Variants in KANK3 observed in about 807,000 individuals in gnomAD.
KANK3 encodes the protein KN motif and ankyrin repeat domains 3.
Under a neutral mutation model 65.4 loss-of-function variants are expected in KANK3, and 61 were observed. The ratio of observed to expected loss-of-function variants is 0.93; its 90% CI spans 0.76 to 1.15. The LOEUF is 1.15. Ranked by LOEUF, KANK3 falls within the 50% of genes most tolerant of loss-of-function variation. The probability of loss-of-function intolerance (pLI) is 0.00; values close to 1 mark genes in which losing one functional copy is unlikely to be tolerated. For synonymous variants in KANK3, 586 were observed against 543.3 expected, an observed-to-expected ratio of 1.08 and a Z score of -1.09; for missense variants, 1,187 against 1,178.8, an observed-to-expected ratio of 1.01 and a Z score of -0.10.
At chr19:8,327,804 T>A (rs1392135029) in intron 7 of KANK3, among the ~76,000 whole-genome samples, 2 of 152,094 alleles carry the variant, frequency 1.3e-5, no homozygotes, top group Non-Finnish European at 2.9e-5. Context: ...GTTCCCTGTT[T>A]GGGTGGCATG....
chr19:8,327,092 G>A (rs971338197), intron 7 of KANK3, among the ~76,000 whole-genome samples: 1 of 152,150 alleles, frequency 6.6e-6, no homozygotes, highest in Non-Finnish European at 1.5e-5. Flanking sequence ...GTAGTTTAAG[G>A]AAATGAATGA....
intron 7 of KANK3, among the ~76,000 whole-genome samples, chr19:8,326,784 T>C (rs986311378): frequency 2.8e-5 from 4 of 142,876 alleles, no homozygotes; most frequent in Non-Finnish European, 6.0e-5. Flanking sequence ...GTGACACAGC[T>C]AGACTCCATC....
intron 2 of KANK3, 48 bp downstream of exon 2, chr19:8,337,747 C>A: frequency 6.2e-7 from 1 of 1,600,142 alleles, no homozygotes. Context: ...TCAAGCGTTT[C>A]TCTGTGCATG....
At position 8,333,750 on chromosome 19, in the gene KANK3, G is replaced by T; in HGVS notation, c.1693C>A (p.Arg565=). 2 of 1,479,162 alleles carry T rather than the reference G, an allele frequency of 1.4e-6. No individual in the cohort carries two copies. Among genetic ancestry groups the T allele is most frequent in the Non-Finnish European group, 9.0e-7 (1 of 1,111,690 alleles). 91.6% of individuals were successfully genotyped at this position (1,479,162 alleles called of 1,614,324 possible). A position where few individuals can be genotyped will look rare whatever the true frequency, so the allele number is the denominator to read the frequency against. The change falls in exon 6 of 11, where the codon CGG becomes AGG. Residue 565 remains arginine, a synonymous_variant. Transcript: ENST00000330915. This position sits in a 1 kb window ranked among gnomAD's most constrained non-coding sequence, Gnocchi z 5.0. ...ACVALQRQLS[R]PRGVASDGGA... is the part of the protein sequence containing the mutation. Reference sequence around the variant, plus strand: ...CCGTCGCTGGCTACTCCGCGGGGCCGGCTCAGCTGCCGCTGCAGCGCTACG... The same window carrying T: ...CCGTCGCTGGCTACTCCGCGGGGCCTGCTCAGCTGCCGCTGCAGCGCTACG...
Position 8,334,698 on chromosome 19 carries a change from G to T in KANK3, c.1129C>A (p.Arg377=), listed in dbSNP as rs1258498286. 2.6e-6 allele frequency: 4 copies of T among 1,532,488 alleles called. No homozygotes were observed. The Admixed American group carries it at 7.9e-5, about 30-fold the overall frequency. 94.9% of individuals were successfully genotyped at this position (1,532,488 alleles called of 1,614,324 possible). A position where few individuals can be genotyped will look rare whatever the true frequency, so the allele number is the denominator to read the frequency against. The change falls in exon 3 of 11, where the codon CGG becomes AGG. Residue 377 remains arginine (R), a synonymous_variant. Coordinates refer to ENST00000330915, the MANE Select transcript of KANK3 (RefSeq NM_198471.3). ...GVSELLRGRL[R]ELEEAREAAE... Reference sequence around the variant, plus strand: ...GCCTCGCGGGCTTCCTCCAGCTCCCGCAACCGGCCCCGCAGAAGCTCACTC... The same window carrying T: ...GCCTCGCGGGCTTCCTCCAGCTCCCTCAACCGGCCCCGCAGAAGCTCACTC...
At chr19:8,334,208 T>C (rs1970584942) in intron 4 of KANK3, 92 bp from the exon 5 acceptor site, 2 of 1,518,314 alleles carry the variant, frequency 1.3e-6, no homozygotes, top group Middle Eastern at 2.0e-4. Context: ...CATTTAACGA[T>C]GAGGAAACTG....
chr19:8,339,980 A>AAAG (rs1555684693), intron 1 of KANK3, among the ~76,000 whole-genome samples: 12 of 95,732 alleles, frequency 1.3e-4, no homozygotes, highest in African/African-American at 3.7e-4. Flanking sequence ...AAAAAAAAAA[A>AAAG]AAAAGAAAAG....
chr19:8,335,940 C>T, intron 2 of KANK3, 148 bp from the exon 3 acceptor site: 1 of 542,262 alleles, frequency 1.8e-6, no homozygotes. Context: ...TTAATGAGCA[C>T]CTACTCTGTG....
intron 2 of KANK3, among the ~76,000 whole-genome samples, chr19:8,336,831 G>A (rs1486593926): frequency 6.6e-6 from 1 of 151,776 alleles, no homozygotes. Context: ...ACAGCCCATG[G>A]AAATACCCTG....
chr19:8,339,298 G>A (rs1568205002), intron 1 of KANK3, among the ~76,000 whole-genome samples: 1 of 151,880 alleles, frequency 6.6e-6, no homozygotes, highest in Non-Finnish European at 1.5e-5. Context: ...CAAAGCAGAA[G>A]GATCGCTTGA....
intron 2 of KANK3, 114 bp downstream of exon 2, chr19:8,337,681 T>A (rs962527145): frequency 1.6e-6 from 2 of 1,272,244 alleles, no homozygotes; most frequent in African/African-American, 2.9e-5. Context: ...AGCAGGCTCA[T>A]GACATTGGAG....
intron 7 of KANK3, 127 bp from the exon 8 acceptor site, chr19:8,325,223 A>G (rs1157564694): frequency 1.0e-6 from 1 of 956,092 alleles, no homozygotes; most frequent in Non-Finnish European, 1.5e-6. Flanking sequence ...TCCCCACAAT[A>G]GCTACCTGGT....
In KANK3 at chr19:8,333,607, G is replaced by T. The variant is rs756423922; in HGVS notation, c.1719+117C>A. Reference sequence around the variant, plus strand: ...AGGAGATCCCTTCGGAGAGCCTGGGGTCAGGCGAGGTGCCTGGCGGGAAGG... The same window carrying T: ...AGGAGATCCCTTCGGAGAGCCTGGGTTCAGGCGAGGTGCCTGGCGGGAAGG... On this transcript the variant is annotated intron_variant, in intron 6 of 10. Transcript: ENST00000330915. This position sits in a 1 kb window ranked among gnomAD's most constrained non-coding sequence, Gnocchi z 5.0. 4.5e-5 allele frequency: 36 copies of T among 800,536 alleles called. No homozygotes were observed. The highest frequency in any genetic ancestry group is 3.8e-4 in the Middle Eastern group (1 of 2,632). 49.6% of individuals were successfully genotyped at this position (800,536 alleles called of 1,614,324 possible).
chr19:8,333,158 C>T lies in KANK3; in HGVS notation c.1792G>A (p.Ala598Thr), dbSNP rs77066365. The T allele has an allele frequency of 4.5e-4, 722 of 1,613,066 alleles. 1 individual carries two copies. The African/African-American group carries it at 8.2e-3, about 18-fold the overall frequency. Residue 598 changes from alanine (A) to threonine (T), a missense_variant, in exon 7 of 11, where the codon GCC becomes ACC. This residue lies in a region of KANK3 where 1,078 missense variants were observed against 1,038.2 expected (regional missense o/e 1.04). Transcript: ENST00000330915. This position sits in a 1 kb window ranked among gnomAD's most constrained non-coding sequence, Gnocchi z 5.0. ...CGCCTCACCCCTTCCAGCATCCTGG[C>T]CACGGGCTCCGCCTGAGAGCGCCGC... ...SQRRSQAEPV[A>T]RMLEGVRRLG...
At chr19:8,326,439 C>T (rs1181916174) in intron 7 of KANK3, among the ~76,000 whole-genome samples, 1 of 136,240 alleles carries the variant, frequency 7.3e-6, no homozygotes. Flanking sequence ...CAAACAAAAA[C>T]ACCTGCCAAC....
In KANK3 at chr19:8,322,837, G is replaced by T. The variant is rs773608972; in HGVS notation, c.*2C>A. 2 of 1,604,482 alleles carry T rather than the reference G, an allele frequency of 1.2e-6. No homozygotes were observed. The highest frequency in any genetic ancestry group is 2.2e-5 in the South Asian group (2 of 90,080). On this transcript the variant is annotated 3_prime_UTR_variant, in exon 11 of 11. Transcript: ENST00000330915. ...TAGGTGTAGTGAGCCAGACGAGGCA[G>T]CTTACTGAACCTGGGGGTTCTCTCC...
chr19:8,332,061 T>C (rs527305474), intron 7 of KANK3, among the ~76,000 whole-genome samples: 5 of 148,986 alleles, frequency 3.4e-5, no homozygotes, highest in Admixed American at 6.7e-5. Context: ...GTGCTCACTC[T>C]TGGCTTACTG....
rs111905975 is a variant in KANK3 at position 8,325,008 on chromosome 19, GTCC to G, written c.2022_2024del (p.Glu674del). The G allele has an allele frequency of 0.12, 197,173 of 1,613,448 alleles. 13,424 individuals are homozygous for G. The highest frequency in any genetic ancestry group is 0.26 in the African/African-American group (19,635 of 74,900). The stretch of plus-strand genomic sequence containing the variant: ...AGAAGAGTCTCTGGACCACAGCCAT[GTCC>G]TCCTCTTCCTGCCTCACAGAGGTGA... On this transcript the variant is annotated inframe_deletion, in exon 8 of 11. Transcript: ENST00000330915.
Position 8,324,657 on chromosome 19 carries a change from T to TG in KANK3, c.2255dup (p.Gly753ArgfsTer3), listed in dbSNP as rs758708258. 26 of 1,613,906 alleles carry TG rather than the reference T, an allele frequency of 1.6e-5. No individual in the cohort carries two copies. Among genetic ancestry groups the TG allele is most frequent in the Non-Finnish European group, 2.1e-5 (25 of 1,180,020 alleles). On this transcript the variant is annotated frameshift_variant, in exon 9 of 11. Coordinates refer to ENST00000330915, the MANE Select transcript of KANK3 (RefSeq NM_198471.3). LOFTEE classifies it high-confidence loss of function. The stretch of plus-strand genomic sequence containing the variant: ...TGTCCAGGATGGCAGGGTCACAGCC[T>TG]GGCTGGGTGAGCAGCAGCCGCACGG...
Sources: allele counts gnomAD v4.1 joint callset (sites outside exome capture counted in the v4.1 genomes callset), GRCh38; gene constraint gnomAD v4.1.1; regional missense constraint gnomAD v4.1.1; non-coding constraint Gnocchi (gnomAD v3.1); transcripts MANE v1.5; gene names NCBI Gene and HGNC (gene_info 2026-07-23, HGNC 2026-07-21).